The following DOCK2 variants were observed in gnomAD, a reference collection of about 807,000 sequenced individuals.
DOCK2 encodes dedicator of cytokinesis protein 2.
Under a neutral mutation model 248.9 loss-of-function variants are expected in DOCK2, and 87 were observed. That is an observed-to-expected ratio of 0.35 (90% CI 0.29 to 0.42). The LOEUF is 0.42. Ranked by LOEUF, DOCK2 falls within the 10% of genes least tolerant of loss-of-function variation. The pLI, the probability that DOCK2 is intolerant of heterozygous loss-of-function variation, is 1.00. For missense variants in DOCK2, 1,747 were observed against 2,300.2 expected (o/e 0.76, Z 4.92); for synonymous variants, 805 against 821.6 (o/e 0.98, Z 0.35).
intron 30 of DOCK2, among the ~76,000 whole-genome samples, chr5:170,005,425 C>T (rs1754991211): frequency 6.6e-6 from 1 of 152,138 alleles, no homozygotes; most frequent in African/African-American, 2.4e-5. Context: ...GTGGAGCTTA[C>T]AGTTGGAGAA....
At chr5:169,942,444 G>A (rs908027011) in intron 27 of DOCK2, among the ~76,000 whole-genome samples, 5 of 152,162 alleles carry the variant, frequency 3.3e-5, no homozygotes, top group Non-Finnish European at 7.4e-5. Context: ...TCATGCACTC[G>A]TCCATGAGCC....
intron 8 of DOCK2, among the ~76,000 whole-genome samples, chr5:169,688,704 T>C (rs1255635238): frequency 6.6e-6 from 1 of 152,170 alleles, no homozygotes. Flanking sequence ...TAAATAGTGT[T>C]ACAATGGCAT....
chr5:169,835,740 C>T (rs1346925452), intron 26 of DOCK2, among the ~76,000 whole-genome samples: 2 of 151,802 alleles, frequency 1.3e-5, no homozygotes, highest in South Asian at 2.1e-4. Context: ...TGCTGTATTT[C>T]GTTTGTTTGG....
At chr5:169,840,935 G>T in intron 27 of DOCK2, 83 bp downstream of exon 27, 2 of 1,418,720 alleles carry the variant, frequency 1.4e-6, no homozygotes, top group South Asian at 1.2e-5. Context: ...AGATCACATT[G>T]AACTCCCAGC....
chr5:169,884,019 T>C, intron 27 of DOCK2: 1 of 948,276 alleles, frequency 1.1e-6, no homozygotes, highest in Non-Finnish European at 1.5e-6. Context: ...CAGGATGGAG[T>C]GGTCCTCTCC....
At chr5:169,835,721 A>G (rs1354984131) in intron 26 of DOCK2, among the ~76,000 whole-genome samples, 1 of 152,112 alleles carries the variant, frequency 6.6e-6, no homozygotes, top group Non-Finnish European at 1.5e-5. Flanking sequence ...CAAGGGGATC[A>G]TGAGAGACTG....
chr5:169,866,286 A>G (rs747568884), intron 27 of DOCK2, among the ~76,000 whole-genome samples: 1 of 152,144 alleles, frequency 6.6e-6, no homozygotes, highest in African/African-American at 2.4e-5. Context: ...CCTATAGGCC[A>G]TCATTATATT....
intron 25 of DOCK2, among the ~76,000 whole-genome samples, chr5:169,778,909 A>T (rs551318387): frequency 6.6e-6 from 1 of 152,292 alleles, no homozygotes; most frequent in South Asian, 2.1e-4. Flanking sequence ...TTCAGCAAAA[A>T]AATTCTAAGT....
At chr5:170,023,180 A>G (rs1755790307) in intron 33 of DOCK2, among the ~76,000 whole-genome samples, 1 of 152,174 alleles carries the variant, frequency 6.6e-6, no homozygotes, top group African/African-American at 2.4e-5. Context: ...CTGAGCCCTC[A>G]GCAGGCAGGA....
intron 25 of DOCK2, among the ~76,000 whole-genome samples, chr5:169,782,638 G>A (rs1191857147): frequency 6.6e-6 from 1 of 151,992 alleles, no homozygotes; most frequent in Non-Finnish European, 1.5e-5. Context: ...ACAGAGAGCA[G>A]GACTACCTAA....
intron 39 of DOCK2, among the ~76,000 whole-genome samples, chr5:170,046,521 T>C (rs1756717802): frequency 6.6e-6 from 1 of 152,172 alleles, no homozygotes; most frequent in Non-Finnish European, 1.5e-5. Flanking sequence ...GGACCCCTCT[T>C]AGCCCACTTA....
chr5:169,718,274 A>G (rs1351310781), intron 21 of DOCK2, among the ~76,000 whole-genome samples: 2 of 152,160 alleles, frequency 1.3e-5, no homozygotes, highest in Admixed American at 1.3e-4. Context: ...AGAAACATAG[A>G]AAGTTCCTAA....
chr5:169,910,424 C>G (rs747469719), intron 27 of DOCK2, among the ~76,000 whole-genome samples: 33 of 152,150 alleles, frequency 2.2e-4, no homozygotes, highest in Non-Finnish European at 3.8e-4. Flanking sequence ...TGATTTATTG[C>G]TTACTCTCTT....
chr5:170,048,953 A>G (rs896344300), intron 40 of DOCK2, among the ~76,000 whole-genome samples: 5 of 152,170 alleles, frequency 3.3e-5, no homozygotes, highest in African/African-American at 1.2e-4. Context: ...ACAATTATTA[A>G]TCAACAATCA....
intron 23 of DOCK2, among the ~76,000 whole-genome samples, chr5:169,755,674 G>A (rs1238614466): frequency 6.6e-6 from 1 of 152,164 alleles, no homozygotes; most frequent in Non-Finnish European, 1.5e-5. Context: ...AACCTGGGAG[G>A]TGGAGGTTAC....
intron 18 of DOCK2, 30 bp from the exon 19 acceptor site, chr5:169,714,330 A>T (rs1761781257): frequency 6.2e-7 from 1 of 1,613,756 alleles, no homozygotes; most frequent in African/African-American, 1.3e-5. Context: ...GCCAGTAATG[A>T]TACTTCTGAA....
chr5:170,017,627 A>AT (rs1230213541), intron 32 of DOCK2, among the ~76,000 whole-genome samples: 1 of 152,090 alleles, frequency 6.6e-6, no homozygotes, highest in South Asian at 2.1e-4. Context: ...ATAATCACTC[A>AT]TTTTTTCTTT....
chr5:169,740,732 T>C (rs111934311), intron 22 of DOCK2, among the ~76,000 whole-genome samples: 6,343 of 152,330 alleles, frequency 0.042, 168 homozygotes, highest in African/African-American at 0.078. Context: ...ATATTCTGTT[T>C]CTCATGAGGC....
In DOCK2 at chr5:169,778,981, A is replaced by G. The variant is rs112944302; in HGVS notation, c.2554+17356A>G. On this transcript the variant is annotated intron_variant, in intron 25 of 51. Coordinates refer to ENST00000520908, the MANE Select transcript of DOCK2 (RefSeq NM_004946.3). ...GCTTATTTCAGTTAGCATCACGTGA[A>G]AAATTGATCTGGCTCTGATGAGGGA... is the stretch of plus-strand genomic sequence containing the variant. Among the ~76,000 whole-genome samples, 275 of 152,322 alleles carry G rather than the reference A, an allele frequency of 1.8e-3. 2 individuals are homozygous for G. Among genetic ancestry groups the G allele is most frequent in the African/African-American group, 5.9e-3 (247 of 41,576 alleles).
Sources: gnomAD v4.1 joint callset for allele counts (sites outside exome capture counted in the v4.1 genomes callset) on GRCh38, gnomAD v4.1.1 for gene constraint, MANE v1.5 for transcripts, NCBI Gene and HGNC (gene_info 2026-07-23, HGNC 2026-07-21) for gene names.